Variants in NKAIN2 observed in about 807,000 individuals in gnomAD.
The protein encoded by NKAIN2 is sodium/potassium transporting ATPase interacting 2.
A neutral mutation model predicts 32.6 loss-of-function variants in NKAIN2; 14 were observed. That is an observed-to-expected ratio of 0.43 (90% CI 0.28 to 0.67). The LOEUF is 0.67. NKAIN2 is among the 30% of genes least tolerant of loss of function. The probability of loss-of-function intolerance (pLI) is 0.17; values close to 1 mark genes in which losing one functional copy is unlikely to be tolerated. For synonymous variants in NKAIN2, 80 were observed against 87.2 expected, an observed-to-expected ratio of 0.92 and a Z score of 0.46; for missense variants, 198 against 258.3, an observed-to-expected ratio of 0.77 and a Z score of 1.60.
At chr6:124,202,117 T>C (rs887141324) in intron 1 of NKAIN2, among the ~76,000 whole-genome samples, 9 of 151,834 alleles carry the variant, frequency 5.9e-5, no homozygotes, top group Admixed American at 3.3e-4. Context: ...CTGAAAAATA[T>C]GACCTTTTAA....
chr6:124,771,082 G>A (rs1778731192), intron 4 of NKAIN2, among the ~76,000 whole-genome samples: 1 of 152,158 alleles, frequency 6.6e-6, no homozygotes, highest in African/African-American at 2.4e-5. Context: ...AATTCCATGA[G>A]TATCTTGACT....
intron 1 of NKAIN2, among the ~76,000 whole-genome samples, chr6:123,988,391 TG>T (rs1049887677): frequency 2.6e-5 from 4 of 152,208 alleles, no homozygotes; most frequent in African/African-American, 9.6e-5. Flanking sequence ...TTATGGGGAT[TG>T]GGGGAAGTTG....
At chr6:123,875,000 C>A (rs1330481649) in intron 1 of NKAIN2, among the ~76,000 whole-genome samples, 1 of 151,856 alleles carries the variant, frequency 6.6e-6, no homozygotes, top group East Asian at 1.9e-4. Context: ...TGAGCTCATA[C>A]TGTTTGTACT....
intron 5 of NKAIN2, among the ~76,000 whole-genome samples, chr6:124,813,336 A>C (rs983021928): frequency 6.6e-6 from 1 of 152,188 alleles, no homozygotes; most frequent in Non-Finnish European, 1.5e-5. Context: ...ACAGTATTAG[A>C]TGGGAAGAAC....
intron 3 of NKAIN2, among the ~76,000 whole-genome samples, chr6:124,445,038 G>A (rs978520285): frequency 3.3e-5 from 5 of 151,926 alleles, no homozygotes; most frequent in Non-Finnish European, 7.4e-5. Flanking sequence ...TGCAGACTAC[G>A]AGGTCATTAG....
intron 1 of NKAIN2, among the ~76,000 whole-genome samples, chr6:123,818,934 T>G (rs561893965): frequency 6.6e-6 from 1 of 152,116 alleles, no homozygotes; most frequent in Non-Finnish European, 1.5e-5. Context: ...TCTGCAAGGA[T>G]GTACTTGGGT....
At chr6:124,809,713 A>G (rs1163880517) in intron 5 of NKAIN2, among the ~76,000 whole-genome samples, 6 of 151,900 alleles carry the variant, frequency 3.9e-5, no homozygotes, top group Non-Finnish European at 8.8e-5. Context: ...AAAATGGGAG[A>G]AAATTTTCAC....
At chr6:123,899,869 C>G (rs1390759184) in intron 1 of NKAIN2, among the ~76,000 whole-genome samples, 4 of 152,120 alleles carry the variant, frequency 2.6e-5, no homozygotes, top group Non-Finnish European at 2.9e-5. Flanking sequence ...TCACCTGATC[C>G]CTTCAGTATG....
At chr6:124,187,208 A>G (rs1431422649) in intron 1 of NKAIN2, among the ~76,000 whole-genome samples, 1 of 152,170 alleles carries the variant, frequency 6.6e-6, no homozygotes, top group Non-Finnish European at 1.5e-5. Flanking sequence ...AATGCTCACT[A>G]ACCTGATATG....
intron 1 of NKAIN2, among the ~76,000 whole-genome samples, chr6:123,893,750 A>T (rs1321062095): frequency 2.0e-5 from 3 of 152,228 alleles, no homozygotes; most frequent in Non-Finnish European, 4.4e-5. Context: ...CAGATCTATA[A>T]TGTGAAAAGA....
chr6:124,594,361 T>C (rs568998682), intron 3 of NKAIN2, among the ~76,000 whole-genome samples: 1 of 152,236 alleles, frequency 6.6e-6, no homozygotes, highest in Admixed American at 6.5e-5. Flanking sequence ...ATGATGAAAC[T>C]TGGTAGACAG....
chr6:123,860,131 C>G (rs1408805010), intron 1 of NKAIN2, among the ~76,000 whole-genome samples: 6 of 152,174 alleles, frequency 3.9e-5, no homozygotes, highest in Non-Finnish European at 7.3e-5. Flanking sequence ...AACACATCTA[C>G]TCTCTAAAAG....
chr6:124,125,906 C>T (rs1024252296), intron 1 of NKAIN2, among the ~76,000 whole-genome samples: 2 of 152,164 alleles, frequency 1.3e-5, no homozygotes, highest in Admixed American at 1.3e-4. Flanking sequence ...TGTCATCCTT[C>T]CTTTGTTCCC....
chr6:123,985,798 T>C (rs904015290), intron 1 of NKAIN2, among the ~76,000 whole-genome samples: 2 of 152,160 alleles, frequency 1.3e-5, no homozygotes, highest in Non-Finnish European at 2.9e-5. Flanking sequence ...AAGACATTTC[T>C]GAGAAATCGA....
chr6:124,450,668 A>G (rs372261851), intron 3 of NKAIN2, among the ~76,000 whole-genome samples: 1 of 151,986 alleles, frequency 6.6e-6, no homozygotes, highest in South Asian at 2.1e-4. Context: ...ATATTAATTG[A>G]TTCTGAGATT....
At chr6:123,960,804 G>A (rs1777809413) in intron 1 of NKAIN2, among the ~76,000 whole-genome samples, 1 of 151,882 alleles carries the variant, frequency 6.6e-6, no homozygotes, top group Non-Finnish European at 1.5e-5. Flanking sequence ...ATATGAATGA[G>A]AACGTAATGA....
chr6:124,402,216 T>C (rs1384345783), intron 3 of NKAIN2, among the ~76,000 whole-genome samples: 1 of 152,134 alleles, frequency 6.6e-6, no homozygotes, highest in East Asian at 1.9e-4. Flanking sequence ...TTAAGAAACC[T>C]GGACCTAAAA....
intron 2 of NKAIN2, among the ~76,000 whole-genome samples, chr6:124,305,189 A>T (rs1199537615): frequency 6.6e-6 from 1 of 152,210 alleles, no homozygotes; most frequent in African/African-American, 2.4e-5. Context: ...AGATATTCCC[A>T]TCAATAAAAA....
chr6:123,976,955 TTTATCCA>T (rs1562288296), intron 1 of NKAIN2, among the ~76,000 whole-genome samples: 172 of 151,340 alleles, frequency 1.1e-3, no homozygotes, highest in African/African-American at 4.0e-3. Context: ...ACCTGATAAT[TTTATCCA>T]GGTCTAATTT....
Sources: allele counts gnomAD v4.1 joint callset (sites outside exome capture counted in the v4.1 genomes callset), GRCh38; gene constraint gnomAD v4.1.1; transcripts MANE v1.5; gene names NCBI Gene and HGNC (gene_info 2026-07-23, HGNC 2026-07-21).